The following SBF2 variants were observed in gnomAD, a reference collection of about 807,000 sequenced individuals.
SBF2 encodes SET binding factor 2.
Under a neutral mutation model 225.2 loss-of-function variants are expected in SBF2, and 112 were observed. The observed-to-expected ratio is 0.50, with a 90% CI of 0.43 to 0.58. SBF2 has a LOEUF of 0.58. Among genes scored for constraint, SBF2 ranks in the 20% least tolerant of loss-of-function variants. SBF2 has a pLI of 0.00. For missense variants in SBF2, 1,996 were observed against 2,206.2 expected (o/e 0.90, Z 1.91); for synonymous variants, 763 against 773.3 (o/e 0.99, Z 0.22).
At chr11:9,948,580 C>T (rs867894239) in intron 16 of SBF2, among the ~76,000 whole-genome samples, 1 of 152,208 alleles carries the variant, frequency 6.6e-6, no homozygotes, top group African/African-American at 2.4e-5. Flanking sequence ...TTCTTAGTTC[C>T]TTTTAGTAGA....
intron 1 of SBF2, among the ~76,000 whole-genome samples, chr11:10,207,948 T>A (rs1957800804): frequency 6.6e-6 from 1 of 152,144 alleles, no homozygotes; most frequent in South Asian, 2.1e-4. Flanking sequence ...ACATTAAAGC[T>A]ATCAACAGTA....
chr11:10,048,882 C>T (rs1949966916), intron 2 of SBF2, among the ~76,000 whole-genome samples: 2 of 152,138 alleles, frequency 1.3e-5, no homozygotes, highest in South Asian at 4.1e-4. Flanking sequence ...AGTAGACCAA[C>T]AGATTTTAAT....
chr11:10,279,214 C>A (rs1963219342), intron 1 of SBF2, among the ~76,000 whole-genome samples: 1 of 150,190 alleles, frequency 6.7e-6, no homozygotes, highest in Non-Finnish European at 1.5e-5. Flanking sequence ...GAGTTTAAGA[C>A]CAACCTGGCC....
chr11:9,857,667 AATG>A (rs1300595514), intron 18 of SBF2, among the ~76,000 whole-genome samples: 1 of 152,240 alleles, frequency 6.6e-6, no homozygotes, highest in Non-Finnish European at 1.5e-5. Flanking sequence ...AGAGCTAGTA[AATG>A]ATGTTTTAAA....
At chr11:9,956,326 G>A (rs1457303659) in intron 16 of SBF2, among the ~76,000 whole-genome samples, 1 of 152,050 alleles carries the variant, frequency 6.6e-6, no homozygotes, top group Non-Finnish European at 1.5e-5. Flanking sequence ...ATAAGATAAT[G>A]ACCAATAATC....
intron 2 of SBF2, among the ~76,000 whole-genome samples, chr11:10,168,658 A>T (rs1956069661): frequency 6.6e-6 from 1 of 152,246 alleles, no homozygotes; most frequent in African/African-American, 2.4e-5. Flanking sequence ...AAGAATCTGT[A>T]GTTAATAGAA....
intron 1 of SBF2, among the ~76,000 whole-genome samples, chr11:10,231,497 CCTTT>C (rs1368146650): frequency 6.6e-6 from 1 of 152,122 alleles, no homozygotes; most frequent in African/African-American, 2.4e-5. Context: ...GTGTGGATGT[CCTTT>C]CTGTTTGTTA....
intron 17 of SBF2, among the ~76,000 whole-genome samples, chr11:9,878,709 G>A (rs1438564179): frequency 1.3e-5 from 2 of 152,082 alleles, no homozygotes; most frequent in South Asian, 2.1e-4. Context: ...ATATTTCCCA[G>A]AGGCTTGCTT....
chr11:9,876,752 T>C (rs1325366486), intron 17 of SBF2, among the ~76,000 whole-genome samples: 1 of 152,196 alleles, frequency 6.6e-6, no homozygotes, highest in Non-Finnish European at 1.5e-5. Context: ...TTGTTGTTGT[T>C]GTTTTGAGAT....
chr11:9,994,106 A>G lies in SBF2; in HGVS notation c.976-108T>C, dbSNP rs1470323082. 3 of 856,788 alleles carry G rather than the reference A, an allele frequency of 3.5e-6. No individual in the cohort carries two copies. The African/African-American group carries it at 5.0e-5, about 14-fold the overall frequency. 53.1% of individuals were successfully genotyped at this position (856,788 alleles called of 1,614,324 possible). On this transcript the variant is annotated intron_variant, in intron 9 of 39. Transcript: ENST00000256190. ...ATATGAATTATAATATATTCCCTCC[A>G]TGAATACAATTCAATTAGCTGGGGT...
In SBF2 at chr11:9,790,614, C is replaced by T. The variant is rs200338241; in HGVS notation, c.4640G>A (p.Arg1547Lys). ...KGVCIWECID[R>K]MHKRSPIFFN... ...GAAAATGGGACTCCTCTTGTGCATT[C>T]TGTCAATACATTCCCAAATACAGAC... Residue 1547 changes from arginine to lysine, a missense_variant, in exon 34 of 40, where the codon AGA (arginine) becomes AAA (lysine). Coordinates refer to ENST00000256190, the MANE Select transcript of SBF2 (RefSeq NM_030962.4). The T allele has an allele frequency of 2.4e-5, 38 of 1,588,600 alleles. No individual in the cohort carries two copies. Among genetic ancestry groups the T allele is most frequent in the Non-Finnish European group, 3.3e-5 (38 of 1,157,634 alleles).
chr11:9,999,924 G>A (rs1252135246), intron 8 of SBF2, among the ~76,000 whole-genome samples: 1 of 152,172 alleles, frequency 6.6e-6, no homozygotes, highest in Non-Finnish European at 1.5e-5. Context: ...TAAAACAGAA[G>A]AAGAATTACA....
At chr11:9,961,772 CAAA>C (rs1212556485) in intron 16 of SBF2, 182 bp downstream of exon 16, 2 of 530,874 alleles carry the variant, frequency 3.8e-6, no homozygotes, top group African/African-American at 3.8e-5. Context: ...AAAGAAAGAA[CAAA>C]AACTCTTAAT....
chr11:9,856,313 C>T (rs1020463130), intron 19 of SBF2, 145 bp downstream of exon 19: 2 of 1,007,372 alleles, frequency 2.0e-6, no homozygotes, highest in African/African-American at 1.6e-5. Flanking sequence ...GAAAGAAAAG[C>T]TGAGCAAGTC....
intron 1 of SBF2, among the ~76,000 whole-genome samples, chr11:10,267,225 C>G (rs530273813): frequency 4.6e-4 from 70 of 152,256 alleles, no homozygotes; most frequent in African/African-American, 1.6e-3. Context: ...AAGTACAAAG[C>G]TAGAAGCAGC....
chr11:10,159,973 G>A (rs1955660461), intron 2 of SBF2, among the ~76,000 whole-genome samples: 1 of 152,084 alleles, frequency 6.6e-6, no homozygotes, highest in Non-Finnish European at 1.5e-5. Flanking sequence ...ACACCTGGCT[G>A]TGTGTGAATT....
chr11:9,808,043 C>G lies in SBF2; in HGVS notation c.4400G>C (p.Gly1467Ala), dbSNP rs1853952016. Residue 1467 changes from glycine to alanine, a missense_variant, in exon 32 of 40, where the codon GGT (glycine) becomes GCT (alanine). Coordinates refer to ENST00000256190, the MANE Select transcript of SBF2 (RefSeq NM_030962.4). Reference sequence around the variant, plus strand: ...GAACTGTAAGAAGACTGGAGCAAAACCACTCCCCTGACAGTTGAGGGTCAA... The same window carrying G: ...GAACTGTAAGAAGACTGGAGCAAAAGCACTCCCCTGACAGTTGAGGGTCAA... ...SSLTLNCQGS[G>A]FAPVFLQFLD... The G allele has an allele frequency of 6.2e-7, 1 of 1,614,158 alleles. No individual in the cohort carries two copies. The highest frequency in any genetic ancestry group is 1.1e-5 in the South Asian group (1 of 91,082).
chr11:9,844,946 AAAGAT>A (rs1270448620), intron 24 of SBF2, among the ~76,000 whole-genome samples: 5 of 152,170 alleles, frequency 3.3e-5, no homozygotes, highest in Non-Finnish European at 7.4e-5. Flanking sequence ...AAAAACATAA[AAAGAT>A]AATGTCTTTG....
chr11:10,180,037 T>G (rs1398677283), intron 2 of SBF2, among the ~76,000 whole-genome samples: 1 of 152,216 alleles, frequency 6.6e-6, no homozygotes, highest in Non-Finnish European at 1.5e-5. Flanking sequence ...TTTTGTTGTT[T>G]CTATTTCTAC....
Sources: allele counts gnomAD v4.1 joint callset (sites outside exome capture counted in the v4.1 genomes callset), GRCh38; gene constraint gnomAD v4.1.1; transcripts MANE v1.5; gene names NCBI Gene and HGNC (gene_info 2026-07-23, HGNC 2026-07-21).